Variants in ELMO1 observed in about 807,000 individuals in gnomAD.
The protein encoded by ELMO1 is engulfment and cell motility 1.
ELMO1 carries 26 observed loss-of-function variants against 98.9 expected under a neutral mutation model. The observed-to-expected ratio is 0.26, with a 90% CI of 0.19 to 0.36. The LOEUF is 0.36. ELMO1 is among the 10% of genes least tolerant of loss of function. The pLI is 1.00. For missense variants in ELMO1, 627 were observed against 935.2 expected, an observed-to-expected ratio of 0.67 and a Z score of 4.30; for synonymous variants, 346 against 346.0, an observed-to-expected ratio of 1.00 and a Z score of 0.00.
chr7:37,244,726 A>G (rs1286126544), intron 6 of ELMO1, among the ~76,000 whole-genome samples: 5 of 152,238 alleles, frequency 3.3e-5, no homozygotes, highest in Non-Finnish European at 7.3e-5. Context: ...AGGAATTGAT[A>G]CATTTTAAAT....
chr7:37,052,717 T>C (rs1042117525), intron 15 of ELMO1, among the ~76,000 whole-genome samples: 1 of 152,218 alleles, frequency 6.6e-6, no homozygotes, highest in Non-Finnish European at 1.5e-5. Flanking sequence ...GTAGTCACGG[T>C]ACCAGCTGGA....
intron 16 of ELMO1, among the ~76,000 whole-genome samples, chr7:36,995,448 C>T (rs1792138790): frequency 1.3e-5 from 2 of 151,346 alleles, no homozygotes; most frequent in Admixed American, 1.3e-4. Flanking sequence ...GTGGAGGTTG[C>T]AGTGAGCCAA....
intron 16 of ELMO1, among the ~76,000 whole-genome samples, chr7:36,920,536 AT>A (rs1158771343): frequency 6.6e-6 from 1 of 152,196 alleles, no homozygotes; most frequent in Non-Finnish European, 1.5e-5. Context: ...CAATACATTA[AT>A]TTACATATCC....
At chr7:37,207,809 G>A (rs1340321930) in intron 13 of ELMO1, among the ~76,000 whole-genome samples, 1 of 152,154 alleles carries the variant, frequency 6.6e-6, no homozygotes. Flanking sequence ...GGGTGTGGTG[G>A]TGGGCACCCG....
intron 17 of ELMO1, among the ~76,000 whole-genome samples, chr7:36,890,134 T>C (rs1805427138): frequency 6.6e-6 from 1 of 152,150 alleles, no homozygotes. Flanking sequence ...CAGGCCAGGG[T>C]CATGGGTTTA....
At chr7:37,204,144 A>G (rs1444166524) in intron 13 of ELMO1, 1 of 456,468 alleles carries the variant, frequency 2.2e-6, no homozygotes, top group Non-Finnish European at 4.4e-6. Flanking sequence ...CCGCCTGGCG[A>G]TGGGCGATGG....
At chr7:37,231,096 T>A (rs1157656940) in intron 8 of ELMO1, among the ~76,000 whole-genome samples, 1 of 152,070 alleles carries the variant, frequency 6.6e-6, no homozygotes, top group African/African-American at 2.4e-5. Flanking sequence ...TTCTACAGGG[T>A]TCCTTTTGCT....
intron 16 of ELMO1, among the ~76,000 whole-genome samples, chr7:36,953,636 T>C (rs1215874072): frequency 6.6e-6 from 1 of 152,238 alleles, no homozygotes; most frequent in Admixed American, 6.5e-5. Context: ...ATGATGCTTA[T>C]ACACCATCAT....
intron 13 of ELMO1, among the ~76,000 whole-genome samples, chr7:37,209,993 C>T (rs1016061190): frequency 6.6e-6 from 1 of 152,114 alleles, no homozygotes; most frequent in Non-Finnish European, 1.5e-5. Context: ...TTTAAAACGT[C>T]ATATTAAAAC....
chr7:37,442,839 C>T (rs1349886826), intron 1 of ELMO1, among the ~76,000 whole-genome samples: 1 of 152,168 alleles, frequency 6.6e-6, no homozygotes, highest in Non-Finnish European at 1.5e-5. Flanking sequence ...ATCCTGGCCT[C>T]AGAGGCTGGC....
At chr7:37,279,238 G>A (rs1797013491) in intron 4 of ELMO1, among the ~76,000 whole-genome samples, 1 of 151,998 alleles carries the variant, frequency 6.6e-6, no homozygotes, top group Non-Finnish European at 1.5e-5. Flanking sequence ...CAAAAAGTGT[G>A]TGAGGGCTAC....
chr7:36,969,262 C>A (rs1224398192), intron 16 of ELMO1, among the ~76,000 whole-genome samples: 1 of 151,692 alleles, frequency 6.6e-6, no homozygotes, highest in Non-Finnish European at 1.5e-5. Flanking sequence ...TCAATATGTA[C>A]CTATTAGTTG....
At chr7:37,193,126 A>G (rs1283742716) in intron 13 of ELMO1, among the ~76,000 whole-genome samples, 1 of 151,746 alleles carries the variant, frequency 6.6e-6, no homozygotes, top group Non-Finnish European at 1.5e-5. Flanking sequence ...GATCTGAAGA[A>G]TTCAACCTGA....
chr7:37,288,079 T>C (rs6973605), intron 4 of ELMO1, among the ~76,000 whole-genome samples: 53,303 of 151,774 alleles, frequency 0.35, 10,507 homozygotes, highest in Middle Eastern at 0.54. Context: ...TCTGCCTCAG[T>C]CTCCCAAGTA....
At chr7:37,391,688 C>A (rs1439661740) in intron 1 of ELMO1, among the ~76,000 whole-genome samples, 2 of 152,228 alleles carry the variant, frequency 1.3e-5, no homozygotes, top group African/African-American at 2.4e-5. Flanking sequence ...GGCCGACTTG[C>A]ATGCCACATT....
intron 16 of ELMO1, among the ~76,000 whole-genome samples, chr7:36,941,117 T>C (rs1786997244): frequency 6.6e-6 from 1 of 152,248 alleles, no homozygotes; most frequent in Non-Finnish European, 1.5e-5. Context: ...ATTCCATCAC[T>C]TCTTATCCAG....
At chr7:37,159,710 A>T (rs1444367289) in intron 13 of ELMO1, among the ~76,000 whole-genome samples, 1 of 152,154 alleles carries the variant, frequency 6.6e-6, no homozygotes, top group African/African-American at 2.4e-5. Context: ...AAAAATAATA[A>T]TAATAATAAT....
At chr7:37,361,813 TAAC>T (rs1801709243) in intron 1 of ELMO1, among the ~76,000 whole-genome samples, 1 of 151,914 alleles carries the variant, frequency 6.6e-6, no homozygotes, top group East Asian at 1.9e-4. Context: ...ACAAAAAAAT[TAAC>T]CAGGCGTGGT....
chr7:37,401,683 T>G (rs749046920), intron 1 of ELMO1, among the ~76,000 whole-genome samples: 14 of 152,140 alleles, frequency 9.2e-5, no homozygotes, highest in Non-Finnish European at 2.1e-4. Flanking sequence ...CATCAGATCT[T>G]GTGAGAATAC....
Sources: allele counts gnomAD v4.1 joint callset (sites outside exome capture counted in the v4.1 genomes callset), GRCh38; gene constraint gnomAD v4.1.1; transcripts MANE v1.5; gene names NCBI Gene and HGNC (gene_info 2026-07-23, HGNC 2026-07-21).